Variants in FRMD5 observed in about 807,000 individuals in gnomAD.
The protein encoded by FRMD5 is FERM domain-containing protein 5.
A neutral mutation model predicts 69.0 loss-of-function variants in FRMD5; 20 were observed. The observed-to-expected ratio is 0.29, with a 90% CI of 0.20 to 0.42. The LOEUF is 0.42. FRMD5 is among the 10% of genes least tolerant of loss of function. The pLI is 1.00. For synonymous variants in FRMD5, 271 were observed against 260.1 expected, an observed-to-expected ratio of 1.04 and a Z score of -0.40; for missense variants, 595 against 708.6, an observed-to-expected ratio of 0.84 and a Z score of 1.82.
intron 1 of FRMD5, among the ~76,000 whole-genome samples, chr15:44,007,414 T>C (rs1252678532): frequency 1.3e-5 from 2 of 152,102 alleles, no homozygotes; most frequent in Non-Finnish European, 2.9e-5. Flanking sequence ...CTTTTAATGA[T>C]ACTGTGAGGG....
At chr15:44,188,478 T>C (rs2706478) in intron 1 of FRMD5, among the ~76,000 whole-genome samples, 16,162 of 152,154 alleles carry the variant, frequency 0.11, 1,939 homozygotes, top group African/African-American at 0.3. Context: ...TTCTCAAACC[T>C]CAGCAAGCCT....
chr15:44,064,033 A>G, intron 1 of FRMD5: 1 of 222,444 alleles, frequency 4.5e-6, no homozygotes, highest in Non-Finnish European at 9.1e-6. Context: ...GGAAGAATTC[A>G]TGACCACAGT....
intron 1 of FRMD5, among the ~76,000 whole-genome samples, chr15:43,928,750 T>C (rs1351566862): frequency 1.3e-5 from 2 of 152,266 alleles, no homozygotes; most frequent in Non-Finnish European, 2.9e-5. Flanking sequence ...GCCCTGGCAC[T>C]GTGGCTAAAC....
At chr15:44,053,704 C>A (rs1395425633) in intron 1 of FRMD5, among the ~76,000 whole-genome samples, 1 of 152,032 alleles carries the variant, frequency 6.6e-6, no homozygotes, top group Admixed American at 6.6e-5. Context: ...GTAAGAGGAC[C>A]AGGTTTGATA....
chr15:44,039,794 A>G (rs565781729), intron 1 of FRMD5, among the ~76,000 whole-genome samples: 95 of 152,250 alleles, frequency 6.2e-4, no homozygotes, highest in Admixed American at 1.8e-3. Context: ...ACTCCTCGCC[A>G]GCAAGGGAAG....
rs533023960 is a variant in FRMD5, at chr15:43,914,723, CTTTTTT to C, written c.329+4730_329+4735del. Among the ~76,000 whole-genome samples the C allele has an allele frequency of 1.0e-3, 109 of 109,374 alleles. 3 individuals carry two copies. The highest frequency in any genetic ancestry group is 5.5e-3 in the African/African-American group (102 of 18,588). The allele number at this position is 109,374 out of a possible 152,430, so 71.8% of individuals were successfully genotyped here. On this transcript the variant is annotated intron_variant, in intron 4 of 13. Coordinates refer to ENST00000417257, the MANE Select transcript of FRMD5 (RefSeq NM_032892.5). ...CCCAGCAACTCTATGAGGTGACTAC[CTTTTTT>C]TTTTTTTTTTTTTTTGAGATGGAGT...
At position 44,016,943 on chromosome 15, in the gene FRMD5, C is replaced by T. The variant is rs191492160; in HGVS notation, c.103-92634G>A. ...TACAGGTGCTTGCCACCACACTGGG[C>T]TAATTTTTTGTAGAAACAGGTTTTT... On this transcript the variant is annotated intron_variant, in intron 1 of 13. Coordinates refer to ENST00000417257, the MANE Select transcript of FRMD5 (RefSeq NM_032892.5). 1.9e-4 allele frequency among the ~76,000 whole-genome samples: 29 copies of T among 151,878 alleles called. No individual in the cohort carries two copies. The East Asian group carries it at 5.5e-3, about 29-fold the overall frequency.
chr15:44,098,750 T>G (rs1259563405), intron 1 of FRMD5, among the ~76,000 whole-genome samples: 1 of 152,198 alleles, frequency 6.6e-6, no homozygotes, highest in Non-Finnish European at 1.5e-5. Flanking sequence ...ACTGCCTCCA[T>G]TTTTTACATT....
At chr15:43,900,976 C>A (rs993864323) in intron 7 of FRMD5, among the ~76,000 whole-genome samples, 5 of 152,102 alleles carry the variant, frequency 3.3e-5, no homozygotes, top group African/African-American at 1.2e-4. Context: ...GACATTGTAA[C>A]CCTCAGTACC....
intron 1 of FRMD5, among the ~76,000 whole-genome samples, chr15:44,092,266 T>A (rs2076483868): frequency 6.6e-6 from 1 of 152,130 alleles, no homozygotes. Context: ...CTGTTCTAGC[T>A]CAGCTCAAAG....
chr15:44,186,429 C>T (rs181795918), intron 1 of FRMD5, among the ~76,000 whole-genome samples: 1 of 152,312 alleles, frequency 6.6e-6, no homozygotes, highest in Admixed American at 6.5e-5. Flanking sequence ...AAAGGCTCTG[C>T]ACCTGTCTGG....
upstream of FRMD5, among the ~76,000 whole-genome samples, chr15:44,198,326 CAAAAAAAAA>C (rs35320478): frequency 1.0e-5 from 1 of 96,628 alleles, no homozygotes; most frequent in South Asian, 3.5e-4. Flanking sequence ...GATCCTGTCT[CAAAAAAAAA>C]AAAAAAAAGG....
At chr15:44,166,417 G>A (rs1469049764) in intron 1 of FRMD5, among the ~76,000 whole-genome samples, 2 of 152,110 alleles carry the variant, frequency 1.3e-5, no homozygotes, top group African/African-American at 2.4e-5. Flanking sequence ...GACATAAAGA[G>A]ATTTTTAATT....
At chr15:43,978,251 A>G (rs2090495105) in intron 1 of FRMD5, among the ~76,000 whole-genome samples, 1 of 152,216 alleles carries the variant, frequency 6.6e-6, no homozygotes, top group African/African-American at 2.4e-5. Context: ...AATACAAATG[A>G]GATACCACCA....
chr15:44,089,454 AGCACTTTGGGAGT>A (rs1894343724), intron 1 of FRMD5, among the ~76,000 whole-genome samples: 1 of 152,130 alleles, frequency 6.6e-6, no homozygotes, highest in Non-Finnish European at 1.5e-5. Flanking sequence ...CTGTAATCCC[AGCACTTTGGGAGT>A]CCACATGGGA....
At chr15:44,016,679 C>T (rs953309566) in intron 1 of FRMD5, among the ~76,000 whole-genome samples, 2 of 151,932 alleles carry the variant, frequency 1.3e-5, no homozygotes, top group Admixed American at 6.6e-5. Context: ...GCCGAGATTA[C>T]ACCACTGCAC....
chr15:43,896,447 T>C (rs916045451), intron 7 of FRMD5, among the ~76,000 whole-genome samples: 3 of 152,256 alleles, frequency 2.0e-5, no homozygotes, highest in African/African-American at 7.2e-5. Flanking sequence ...GCCAACGGTA[T>C]TCTCCTTGGA....
chr15:43,883,366 G>C (rs536266444), intron 13 of FRMD5, among the ~76,000 whole-genome samples: 1 of 152,144 alleles, frequency 6.6e-6, no homozygotes, highest in Non-Finnish European at 1.5e-5. Flanking sequence ...CCAAAGTATT[G>C]AGATTACAGG....
In FRMD5 at chr15:43,966,943, T is replaced by C. The variant is rs562138447; in HGVS notation, c.103-42634A>G. Among the ~76,000 whole-genome samples, 20 of 152,198 alleles carry C rather than the reference T, an allele frequency of 1.3e-4. 1 individual carries two copies. The South Asian group carries it at 3.9e-3, about 30-fold the overall frequency. On this transcript the variant is annotated intron_variant, in intron 1 of 13. Transcript: ENST00000417257. The stretch of plus-strand genomic sequence containing the variant: ...AGGAAGAACAGTTAGGAGTTGCCTA[T>C]AGGAGCATCCCAGAAACAGAGAAAC...
Sources: gnomAD v4.1 joint callset for allele counts (sites outside exome capture counted in the v4.1 genomes callset) on GRCh38, gnomAD v4.1.1 for gene constraint, MANE v1.5 for transcripts, NCBI Gene and HGNC (gene_info 2026-07-23, HGNC 2026-07-21) for gene names.